The following GAR1 variants were observed in gnomAD, a reference collection of about 807,000 sequenced individuals.
The protein encoded by GAR1 is H/ACA ribonucleoprotein complex subunit 1.
Under a neutral mutation model 29.3 loss-of-function variants are expected in GAR1, and 11 were observed. The ratio of observed to expected loss-of-function variants is 0.38; its 90% confidence interval spans 0.24 to 0.62. The LOEUF is 0.62. Ranked by LOEUF, GAR1 falls within the 20% of genes least tolerant of loss-of-function variation. The probability of loss-of-function intolerance (pLI) is 0.62; values close to 1 mark genes in which losing one functional copy is unlikely to be tolerated. For missense variants in GAR1, 237 were observed against 268.4 expected, an observed-to-expected ratio of 0.88 and a Z score of 0.82; for synonymous variants, 87 against 93.3, an observed-to-expected ratio of 0.93 and a Z score of 0.39.
intron 4 of GAR1, 126 bp from the exon 5 acceptor site, chr4:109,822,220 TA>T (rs1733535005): frequency 1.8e-6 from 1 of 561,106 alleles, no homozygotes; most frequent in African/African-American, 2.1e-5. Flanking sequence ...TACCCAGGGA[TA>T]TGTAGTAGAA....
At chr4:109,819,902 G>C (rs1733465701) in intron 4 of GAR1, among the ~76,000 whole-genome samples, 1 of 152,218 alleles carries the variant, frequency 6.6e-6, no homozygotes, top group Non-Finnish European at 1.5e-5. Context: ...TGTGAATTAA[G>C]ACCAGAGAGG....
rs773235585 is a variant in GAR1, at chr4:109,816,307, G to C, written c.143G>C (p.Gly48Ala). 1 of 1,613,158 alleles carries C rather than the reference G, an allele frequency of 6.2e-7. No individual in the cohort carries two copies. Among genetic ancestry groups the C allele is most frequent in the Non-Finnish European group, 8.5e-7 (1 of 1,179,696 alleles). The change falls in exon 2 of 7, where the codon GGA (glycine) becomes GCA (alanine). Residue 48 changes from glycine to alanine, a missense_variant. By Grantham distance (60) the Gly-to-Ala change is moderately conservative. Coordinates refer to ENST00000226796, the MANE Select transcript of GAR1 (RefSeq NM_018983.4). Reference sequence around the variant, plus strand: ...AATTTCAGAGGCGGCGGCAGGGGAGGATTTGGACGAGGGGGTGGCCGCGGA... The same window carrying C: ...AATTTCAGAGGCGGCGGCAGGGGAGCATTTGGACGAGGGGGTGGCCGCGGA... Reference protein sequence around the residue: ...GGNFRGGGRGGFGRGGGRGGF... With the variant: ...GGNFRGGGRGAFGRGGGRGGF...
At chr4:109,817,040 A>G (rs1209849428) in intron 2 of GAR1, among the ~76,000 whole-genome samples, 1 of 152,208 alleles carries the variant, frequency 6.6e-6, no homozygotes, top group African/African-American at 2.4e-5. Flanking sequence ...TTACTACATT[A>G]AAGAGGAGAG....
chr4:109,819,828 GA>G (rs1339326675), intron 4 of GAR1, among the ~76,000 whole-genome samples: 5 of 152,190 alleles, frequency 3.3e-5, no homozygotes, highest in Admixed American at 3.3e-4. Flanking sequence ...GCAGGCAACT[GA>G]AAGGATACAA....
intron 4 of GAR1, 127 bp downstream of exon 4, chr4:109,819,187 T>A (rs758373559): frequency 2.7e-6 from 2 of 733,524 alleles, no homozygotes; most frequent in South Asian, 3.0e-5. Flanking sequence ...AATTGAAATG[T>A]TCCATGCTAT....
At chr4:109,818,187 T>G (rs1174559620) in intron 3 of GAR1, 97 bp downstream of exon 3, 1 of 815,638 alleles carries the variant, frequency 1.2e-6, no homozygotes, top group Non-Finnish European at 2.0e-6. Flanking sequence ...TGTTGCTTCA[T>G]TAAATTAGAC....
chr4:109,816,377 C>T lies in GAR1; in HGVS notation c.213C>T (p.Val71=), dbSNP rs201487663. The T allele has an allele frequency of 1.2e-6, 2 of 1,613,110 alleles. No homozygotes were observed. Among genetic ancestry groups the T allele is most frequent in the African/African-American group, 1.3e-5 (1 of 74,976 alleles). The change falls in exon 2 of 7, where the codon GTC becomes GTT. Residue 71 remains valine (V), a splice_region_variant and synonymous_variant. Transcript: ENST00000226796. ...GQDQGPPERV[V]LLGEFLHPCE... ...ACCAAGGACCTCCAGAACGTGTAGT[C>T]TGTATGCAGTCTTCAGTATTTAGCT... is the stretch of plus-strand genomic sequence containing the variant.
intron 3 of GAR1, 38 bp from the exon 4 acceptor site, chr4:109,818,963 A>G: frequency 1.2e-6 from 1 of 843,178 alleles, no homozygotes; most frequent in Non-Finnish European, 2.0e-6. Flanking sequence ...ATCATCTTTC[A>G]TCTTAATTGC....
At chr4:109,818,650 C>T (rs577070793) in intron 3 of GAR1, among the ~76,000 whole-genome samples, 15 of 150,766 alleles carry the variant, frequency 9.9e-5, no homozygotes, top group African/African-American at 3.2e-4. Flanking sequence ...CTACAACCTC[C>T]GCCTCCTGGG....
chr4:109,815,959 G>C (rs114203153), intron 1 of GAR1, 155 bp downstream of exon 1: 2 of 635,864 alleles, frequency 3.1e-6, no homozygotes, highest in East Asian at 2.6e-5. Flanking sequence ...GTGTGTGGTC[G>C]GTCGGCGCTC....
chr4:109,819,707 C>G (rs1396759364), intron 4 of GAR1: 1 of 152,300 alleles, frequency 6.6e-6, no homozygotes. Flanking sequence ...AGGAAAAGCA[C>G]TTGGATAATT....
At position 109,823,697 on chromosome 4, in the gene GAR1, A is replaced by G. The variant is rs368816568; in HGVS notation, c.572-268A>G. Among the ~76,000 whole-genome samples the G allele has an allele frequency of 6.6e-5, 10 of 152,246 alleles. No homozygotes were observed. The East Asian group carries it at 1.4e-3, about 21-fold the overall frequency. ...TAACAAGACTGAATCATACTTTAAC[A>G]AGTTTTTCTAATTTATTGAAATGGA... On this transcript the variant is annotated intron_variant, in intron 5 of 6. Coordinates refer to ENST00000226796, the MANE Select transcript of GAR1 (RefSeq NM_018983.4).
chr4:109,816,218 C>A lies in GAR1; in HGVS notation c.54C>A (p.Gly18=), dbSNP rs766758866. The change falls in exon 2 of 7, where the codon GGC becomes GGA. Residue 18 remains glycine, a synonymous_variant. Transcript: ENST00000226796. The part of the protein sequence containing the change: ...RGGFNRGGGG[G]GFNRGGSSNH... Reference sequence around the variant, plus strand: ...GCTTTAATCGAGGTGGTGGAGGTGGCGGCTTCAACCGAGGTGGCAGCAGCA... The same window carrying A: ...GCTTTAATCGAGGTGGTGGAGGTGGAGGCTTCAACCGAGGTGGCAGCAGCA... 1 of 1,609,202 alleles carries A rather than the reference C, an allele frequency of 6.2e-7. No individual in the cohort carries two copies. Among genetic ancestry groups the A allele is most frequent in the East Asian group, 2.2e-5 (1 of 44,748 alleles).
intron 4 of GAR1, among the ~76,000 whole-genome samples, chr4:109,821,068 G>A (rs1005173881): frequency 1.3e-5 from 2 of 151,964 alleles, no homozygotes; most frequent in African/African-American, 2.4e-5. Flanking sequence ...TACCTCTCCC[G>A]GTTTCCATAC....
At chr4:109,820,860 C>G (rs1400506475) in intron 4 of GAR1, among the ~76,000 whole-genome samples, 1 of 152,014 alleles carries the variant, frequency 6.6e-6, no homozygotes, top group Admixed American at 6.6e-5. Flanking sequence ...GTGCCTGGAG[C>G]TGTTGAGCCC....
rs770708443 is a variant in GAR1 at position 109,816,134 on chromosome 4, G to A, written c.-12-19G>A. 84 of 1,601,344 alleles carry A rather than the reference G, an allele frequency of 5.2e-5. No individual in the cohort carries two copies. The highest frequency in any genetic ancestry group is 7.2e-5 in the Non-Finnish European group (84 of 1,171,126). ...AGGCTACAGTGATCAGAAGACATAG[G>A]TCGTTTTTTTTTCATCAGGGAGGAG... is the stretch of plus-strand genomic sequence containing the variant. On this transcript the variant is annotated intron_variant, in intron 1 of 6. Coordinates refer to ENST00000226796, the MANE Select transcript of GAR1 (RefSeq NM_018983.4).
At chr4:109,820,178 A>G (rs569954677) in intron 4 of GAR1, among the ~76,000 whole-genome samples, 149 of 152,322 alleles carry the variant, frequency 9.8e-4, no homozygotes, top group Admixed American at 1.7e-3. Flanking sequence ...TTTATGAAAG[A>G]TACAGGAAGT....
chr4:109,822,155 TAAA>T (rs59097048), intron 4 of GAR1, among the ~76,000 whole-genome samples, 189 bp from the exon 5 acceptor site: 39 of 101,638 alleles, frequency 3.8e-4, no homozygotes, highest in African/African-American at 8.9e-4. Flanking sequence ...GAACTTAAGG[TAAA>T]AAAAAAAAAA....
chr4:109,819,108 G>T, intron 4 of GAR1, 48 bp downstream of exon 4: 1 of 961,352 alleles, frequency 1.0e-6, no homozygotes, highest in South Asian at 1.3e-5. Context: ...ATAAGGGAAC[G>T]ACCTATCTTA....
Sources: gnomAD v4.1 joint callset for allele counts (sites outside exome capture counted in the v4.1 genomes callset) on GRCh38, gnomAD v4.1.1 for gene constraint, MANE v1.5 for transcripts, NCBI Gene and HGNC (gene_info 2026-07-23, HGNC 2026-07-21) for gene names.